ANKRD13C: variants seen among roughly 807,000 people sequenced by gnomAD.
ANKRD13C encodes ankyrin repeat domain-containing protein 13C.
A neutral mutation model predicts 65.5 loss-of-function variants in ANKRD13C; 16 were observed. The observed-to-expected ratio is 0.24, with a 90% CI of 0.17 to 0.37. The LOEUF (loss-of-function observed/expected upper bound fraction) is 0.37, where lower values mean the gene tolerates loss of function less well. ANKRD13C is among the 10% of genes least tolerant of loss of function. ANKRD13C has a pLI of 1.00. For synonymous variants in ANKRD13C, 235 were observed against 238.7 expected (o/e 0.98, Z 0.14); for missense variants, 503 against 655.9 (o/e 0.77, Z 2.55).
chr1:70,263,420 T>G (rs577042542), intron 12 of ANKRD13C, among the ~76,000 whole-genome samples: 1 of 152,292 alleles, frequency 6.6e-6, no homozygotes, highest in South Asian at 2.1e-4. Flanking sequence ...CTGAAATTGT[T>G]TAAGTAAAAT....
chr1:70,335,288 C>T (rs1290682495), intron 2 of ANKRD13C, among the ~76,000 whole-genome samples: 4 of 151,856 alleles, frequency 2.6e-5, no homozygotes, highest in Admixed American at 1.3e-4. Context: ...AGCCTGTAGT[C>T]CCAGCTACTC....
At chr1:70,325,606 C>T (rs1681499629) in intron 2 of ANKRD13C, among the ~76,000 whole-genome samples, 1 of 152,176 alleles carries the variant, frequency 6.6e-6, no homozygotes, top group South Asian at 2.1e-4. Context: ...TGGCCGGGCG[C>T]GGTGGCTCAC....
intron 1 of ANKRD13C, among the ~76,000 whole-genome samples, chr1:70,347,134 G>A (rs1682567503): frequency 6.9e-6 from 1 of 144,178 alleles, no homozygotes; most frequent in African/African-American, 2.6e-5. Context: ...TCATAGAGAA[G>A]CATGGTCTCA....
At chr1:70,335,430 T>G (rs1681981285) in intron 2 of ANKRD13C, among the ~76,000 whole-genome samples, 1 of 151,602 alleles carries the variant, frequency 6.6e-6, no homozygotes, top group Non-Finnish European at 1.5e-5. Flanking sequence ...GAAAAAATTT[T>G]TACTAAACAC....
intron 1 of ANKRD13C, among the ~76,000 whole-genome samples, chr1:70,351,572 A>G (rs997939939): frequency 5.3e-5 from 8 of 151,794 alleles, no homozygotes; most frequent in South Asian, 2.1e-4. Flanking sequence ...GCTAATTTTC[A>G]TATTTTCAGT....
chr1:70,332,718 G>A (rs967445027), intron 2 of ANKRD13C, among the ~76,000 whole-genome samples: 2 of 152,040 alleles, frequency 1.3e-5, no homozygotes, highest in Non-Finnish European at 2.9e-5. Context: ...TGCCCGCCTC[G>A]GCCTCCCAAA....
Position 70,292,446 on chromosome 1 carries a change from T to C in ANKRD13C, c.1157A>G (p.Asn386Ser). The stretch of plus-strand genomic sequence containing the variant: ...ACTCAAACTCTCCATGATGGCCTTA[T>C]TTCGAAGAATATCCTCTTCACTGAG... ...EHLSEEDILR[N>S]KAIMESLSKG... Residue 386 changes from asparagine to serine, a missense_variant, in exon 9 of 13, where the codon AAT (asparagine) becomes AGT (serine). Transcript: ENST00000370944. 1 of 1,608,776 alleles carries C rather than the reference T, an allele frequency of 6.2e-7. No homozygotes were observed. The highest frequency in any genetic ancestry group is 1.3e-5 in the African/African-American group (1 of 74,720).
At chr1:70,329,796 A>T (rs1558305224) in intron 2 of ANKRD13C, among the ~76,000 whole-genome samples, 1 of 152,004 alleles carries the variant, frequency 6.6e-6, no homozygotes, top group African/African-American at 2.4e-5. Flanking sequence ...ATAATTTAAA[A>T]AAAAAAGAAC....
At chr1:70,275,517 CA>C (rs1392135449) in intron 10 of ANKRD13C, among the ~76,000 whole-genome samples, 2 of 143,760 alleles carry the variant, frequency 1.4e-5, no homozygotes, top group East Asian at 4.0e-4. Flanking sequence ...TTTTTTTTTT[CA>C]TTTTAAACTG....
intron 12 of ANKRD13C, among the ~76,000 whole-genome samples, chr1:70,267,459 A>G (rs954089057): frequency 6.6e-6 from 1 of 151,940 alleles, no homozygotes; most frequent in Non-Finnish European, 1.5e-5. Flanking sequence ...AACTTCCGTC[A>G]GCCTCCTAAG....
At chr1:70,287,545 C>T (rs1443442491) in intron 9 of ANKRD13C, among the ~76,000 whole-genome samples, 1 of 152,056 alleles carries the variant, frequency 6.6e-6, no homozygotes, top group African/African-American at 2.4e-5. Context: ...AAAAAGTTCT[C>T]AGATTTGGCA....
At chr1:70,282,506 CTTGT>C (rs1185036402) in intron 9 of ANKRD13C, among the ~76,000 whole-genome samples, 5 of 152,162 alleles carry the variant, frequency 3.3e-5, no homozygotes, top group African/African-American at 1.2e-4. Flanking sequence ...AATCTTTTAT[CTTGT>C]TTAAGTCACT....
intron 3 of ANKRD13C, among the ~76,000 whole-genome samples, chr1:70,321,903 GT>G (rs1681324649): frequency 6.6e-6 from 1 of 152,138 alleles, no homozygotes; most frequent in Non-Finnish European, 1.5e-5. Flanking sequence ...AGGTCACAAA[GT>G]TTTTGCCAGT....
At chr1:70,312,218 G>A (rs1232965526) in intron 5 of ANKRD13C, among the ~76,000 whole-genome samples, 2 of 152,094 alleles carry the variant, frequency 1.3e-5, no homozygotes, top group South Asian at 2.1e-4. Context: ...TCTTACTGAC[G>A]AGTTGAAGCT....
At chr1:70,316,248 T>C (rs1681068127) in intron 3 of ANKRD13C, among the ~76,000 whole-genome samples, 1 of 152,176 alleles carries the variant, frequency 6.6e-6, no homozygotes. Context: ...AGGTCCTCCA[T>C]AGTGTATTTT....
intron 2 of ANKRD13C, 130 bp downstream of exon 2, chr1:70,335,928 A>G (rs1018494911): frequency 5.8e-5 from 16 of 277,384 alleles, no homozygotes; most frequent in African/African-American, 3.3e-4. Flanking sequence ...ATTTCAATAT[A>G]CTAAATTCTA....
rs1678329394 is a variant in ANKRD13C at position 70,259,651 on chromosome 1, T to C, written c.*3066A>G. 1.3e-5 allele frequency among the ~76,000 whole-genome samples: 2 copies of C among 152,218 alleles called. No homozygotes were observed. The highest frequency in any genetic ancestry group is 6.5e-5 in the Admixed American group (1 of 15,284). Reference sequence around the variant, plus strand: ...CTAATTTATAGTATACAAACAATCATGGGCTTTTACCAAGCTTAGTTCTGC... The same window carrying C: ...CTAATTTATAGTATACAAACAATCACGGGCTTTTACCAAGCTTAGTTCTGC... On this transcript the variant is annotated 3_prime_UTR_variant, in exon 13 of 13. Transcript: ENST00000370944.
chr1:70,309,393 A>G (rs536797759), intron 5 of ANKRD13C, among the ~76,000 whole-genome samples: 1 of 149,542 alleles, frequency 6.7e-6, no homozygotes, highest in Non-Finnish European at 1.5e-5. Flanking sequence ...TTTTCAGAAG[A>G]GTTTTTAAGC....
intron 1 of ANKRD13C, among the ~76,000 whole-genome samples, chr1:70,338,749 C>T (rs897484038): frequency 6.6e-6 from 1 of 152,118 alleles, no homozygotes; most frequent in African/African-American, 2.4e-5. Context: ...TAGGAGCCGT[C>T]TGTGGGTCAG....
Sources: allele counts gnomAD v4.1 joint callset (sites outside exome capture counted in the v4.1 genomes callset), GRCh38; gene constraint gnomAD v4.1.1; transcripts MANE v1.5; gene names NCBI Gene and HGNC (gene_info 2026-07-23, HGNC 2026-07-21).